ENKUR: variants seen among roughly 807,000 people sequenced by gnomAD.
The protein encoded by ENKUR is enkurin, TRPC channel interacting protein, also known as enkurin.
A neutral mutation model predicts 27.6 loss-of-function variants in ENKUR; 19 were observed. The ratio of observed to expected loss-of-function variants is 0.69; its 90% confidence interval spans 0.48 to 1.01. The LOEUF (loss-of-function observed/expected upper bound fraction) is 1.01, where lower values mean the gene tolerates loss of function less well. Ranked by LOEUF, ENKUR falls within the 50% of genes least tolerant of loss-of-function variation. ENKUR has a pLI of 0.00. For synonymous variants in ENKUR, 117 were observed against 96.9 expected (o/e 1.21, Z -1.22); for missense variants, 312 against 310.5 (o/e 1.00, Z -0.04).
intron 1 of ENKUR, chr10:25,061,505 A>G: frequency 4.7e-6 from 1 of 213,150 alleles, no homozygotes; most frequent in East Asian, 1.1e-4. Context: ...TTCAGGAAAA[A>G]AAGGAAAAAA....
At chr10:25,054,544 T>TTTCC (rs1851230522) in intron 2 of ENKUR, among the ~76,000 whole-genome samples, 2 of 148,326 alleles carry the variant, frequency 1.3e-5, no homozygotes, top group Non-Finnish European at 3.0e-5. Flanking sequence ...TCTTTCTTTC[T>TTTCC]TTCCTTTCTT....
chr10:25,012,617 A>G (rs1850477530), intron 1 of ENKUR, among the ~76,000 whole-genome samples: 1 of 152,222 alleles, frequency 6.6e-6, no homozygotes, highest in Admixed American at 6.5e-5. Context: ...CAAGGGGCCT[A>G]TAGCCCCTTT....
chr10:25,018,690 A>G (rs964267686), upstream of ENKUR, among the ~76,000 whole-genome samples: 3 of 104,828 alleles, frequency 2.9e-5, no homozygotes, highest in African/African-American at 9.6e-5. Flanking sequence ...GCGAAGGATT[A>G]TTTTAATCTA....
intron 2 of ENKUR, among the ~76,000 whole-genome samples, chr10:25,050,483 T>C (rs1260063511): frequency 6.6e-6 from 1 of 152,162 alleles, no homozygotes. Flanking sequence ...CTGCCCTTTA[T>C]AAAACCGTTA....
intron 2 of ENKUR, chr10:25,025,229 C>CAAA (rs776643375): frequency 5.6e-6 from 9 of 1,614,178 alleles, no homozygotes; most frequent in Non-Finnish European, 7.6e-6. Context: ...GCCCATTACT[C>CAAA]AAAGTTTGCA....
chr10:25,055,968 A>G (rs1451502449), intron 2 of ENKUR, among the ~76,000 whole-genome samples: 1 of 152,182 alleles, frequency 6.6e-6, no homozygotes, highest in Admixed American at 6.5e-5. Context: ...TATAACTTAG[A>G]AGTTGGTAAG....
chr10:25,060,640 G>C (rs1851316119), intron 2 of ENKUR, among the ~76,000 whole-genome samples: 1 of 152,140 alleles, frequency 6.6e-6, no homozygotes, highest in Admixed American at 6.5e-5. Flanking sequence ...TTGAATGCTA[G>C]AGACTTCACT....
At chr10:25,013,300 T>G (rs1850492948) in intron 1 of ENKUR, among the ~76,000 whole-genome samples, 1 of 152,226 alleles carries the variant, frequency 6.6e-6, no homozygotes, top group Non-Finnish European at 1.5e-5. Flanking sequence ...TTATTAAATT[T>G]GCAAATGACA....
At position 24,984,785 on chromosome 10, in the gene ENKUR, G is replaced by A; in HGVS notation, c.715C>T (p.His239Tyr). The change falls in exon 5 of 6, where the codon CAC becomes TAC. Residue 239 changes from histidine (H) to tyrosine (Y), a missense_variant. Physicochemically the swap from His to Tyr is moderately conservative, Grantham distance 83. Coordinates refer to ENST00000331161, the MANE Select transcript of ENKUR (RefSeq NM_145010.4). ...TGCTTTTCAATTATGCCAATGTCGTGTTCTAGTTGTTTCATTTCTTCTTCC... is the reference window on the plus strand; with the variant it reads ...TGCTTTTCAATTATGCCAATGTCGTATTCTAGTTGTTTCATTTCTTCTTCC... Reference protein sequence around the residue: ...RLEEEMKQLEHDIGIIEKHKI... With the variant: ...RLEEEMKQLEYDIGIIEKHKI... The A allele has an allele frequency of 6.2e-7, 1 of 1,613,610 alleles. No homozygotes were observed. Among genetic ancestry groups the A allele is most frequent in the Non-Finnish European group, 8.5e-7 (1 of 1,179,858 alleles).
intron 2 of ENKUR, among the ~76,000 whole-genome samples, chr10:25,053,340 A>G (rs191228327): frequency 3.9e-5 from 6 of 152,192 alleles, no homozygotes; most frequent in African/African-American, 1.4e-4. Context: ...GAAGTATATA[A>G]TACATTGTTA....
chr10:25,013,081 T>G (rs1214392897), intron 1 of ENKUR, among the ~76,000 whole-genome samples: 1 of 152,148 alleles, frequency 6.6e-6, no homozygotes, highest in Admixed American at 6.5e-5. Flanking sequence ...CTGCACACAC[T>G]CTCTTTCCTG....
chr10:25,000,800 A>C (rs1666385436), intron 1 of ENKUR, among the ~76,000 whole-genome samples: 1 of 152,030 alleles, frequency 6.6e-6, no homozygotes, highest in African/African-American at 2.4e-5. Context: ...TTTCTGCTTA[A>C]AGTTTCCAGC....
At chr10:24,995,604 T>C in intron 3 of ENKUR, 42 bp downstream of exon 3, 1 of 1,498,336 alleles carries the variant, frequency 6.7e-7, no homozygotes, top group South Asian at 1.2e-5. Context: ...ATATTTAAAT[T>C]ATTTGAATTT....
At chr10:24,997,170 T>G (rs934889118) in intron 2 of ENKUR, among the ~76,000 whole-genome samples, 2 of 152,100 alleles carry the variant, frequency 1.3e-5, no homozygotes, top group Non-Finnish European at 2.9e-5. Flanking sequence ...GCTTTCATCA[T>G]GCCTGTGAAT....
chr10:25,000,391 T>C (rs1165230663), intron 1 of ENKUR, among the ~76,000 whole-genome samples: 3 of 152,288 alleles, frequency 2.0e-5, no homozygotes, highest in East Asian at 1.9e-4. Context: ...TCTATTCTAC[T>C]AATTATTGAA....
chr10:25,057,536 A>G (rs1277541486), intron 2 of ENKUR, among the ~76,000 whole-genome samples: 2 of 152,178 alleles, frequency 1.3e-5, no homozygotes, highest in African/African-American at 4.8e-5. Flanking sequence ...ATTTTATTCA[A>G]TGAATTAATT....
chr10:24,988,805 T>C (rs1315294480), intron 4 of ENKUR, among the ~76,000 whole-genome samples: 3 of 150,752 alleles, frequency 2.0e-5, no homozygotes, highest in South Asian at 2.1e-4. Context: ...TGTTATTTTA[T>C]GAAGAATGAG....
chr10:25,032,504 A>G lies in ENKUR; in HGVS notation c.37+28608T>C, dbSNP rs529267307. Among the ~76,000 whole-genome samples the G allele has an allele frequency of 5.9e-5, 9 of 152,280 alleles. No homozygotes were observed. In the South Asian group the frequency reaches 1.9e-3, roughly 32 times the overall value. On this transcript the variant is annotated intron_variant, in intron 2 of 5. Coordinates refer to the ENKUR transcript ENST00000615958. ...CACCCTGCTACATGGGGTGGGGAAC[A>G]GTTTCCAAGGCTGTAACTGCTTTTT...
intron 2 of ENKUR, among the ~76,000 whole-genome samples, chr10:25,050,267 C>T (rs202107032): frequency 1.3e-5 from 2 of 152,110 alleles, no homozygotes; most frequent in East Asian, 3.9e-4. Flanking sequence ...CAAACCATAT[C>T]AAGTAGTAAG....
Sources: allele counts gnomAD v4.1 joint callset (sites outside exome capture counted in the v4.1 genomes callset), GRCh38; gene constraint gnomAD v4.1.1; transcripts MANE v1.5; gene names NCBI Gene and HGNC (gene_info 2026-07-23, HGNC 2026-07-21).